Variants in LYST observed in about 807,000 individuals in gnomAD.
LYST encodes the protein lysosomal trafficking regulator, also known as lysosomal-trafficking regulator.
LYST carries 192 observed loss-of-function variants against 413.6 expected under a neutral mutation model. The ratio of observed to expected loss-of-function variants is 0.46; its 90% CI spans 0.41 to 0.52. The LOEUF (loss-of-function observed/expected upper bound fraction) is 0.52, where lower values mean the gene tolerates loss of function less well. LYST is among the 20% of genes least tolerant of loss of function. The pLI is 0.00. For synonymous variants in LYST, 1,525 were observed against 1,567.3 expected (o/e 0.97, Z 0.64); for missense variants, 3,815 against 4,499.9 (o/e 0.85, Z 4.35).
At chr1:235,703,492 C>T (rs943233151) in intron 44 of LYST, among the ~76,000 whole-genome samples, 4 of 152,056 alleles carry the variant, frequency 2.6e-5, no homozygotes, top group African/African-American at 7.3e-5. Context: ...GTCATTATCC[C>T]GTAGAGTCAG....
chr1:235,844,427 C>T (rs934483127), intron 1 of LYST, among the ~76,000 whole-genome samples: 4 of 152,126 alleles, frequency 2.6e-5, no homozygotes, highest in Non-Finnish European at 4.4e-5. Context: ...CCTACAGGTC[C>T]AAGGTCACAG....
chr1:235,786,793 G>A (rs1371990008), intron 14 of LYST, among the ~76,000 whole-genome samples: 5 of 150,628 alleles, frequency 3.3e-5, no homozygotes, highest in African/African-American at 4.9e-5. Context: ...GCAAACGATC[G>A]CAAGGACAAA....
intron 10 of LYST, among the ~76,000 whole-genome samples, chr1:235,796,494 GA>G (rs1671566900): frequency 6.6e-6 from 1 of 152,164 alleles, no homozygotes; most frequent in East Asian, 1.9e-4. Flanking sequence ...GAAATCCAAA[GA>G]AAATACGCAA....
intron 17 of LYST, among the ~76,000 whole-genome samples, chr1:235,776,812 TACATTTA>T (rs1045735108): frequency 1.3e-5 from 2 of 152,144 alleles, no homozygotes; most frequent in African/African-American, 4.8e-5. Context: ...TAAAATCTTG[TACATTTA>T]ACATTTAATT....
intron 29 of LYST, among the ~76,000 whole-genome samples, chr1:235,744,844 G>A (rs1172978422): frequency 1.3e-5 from 2 of 148,216 alleles, no homozygotes; most frequent in Admixed American, 1.4e-4. Flanking sequence ...AGGTTGCAGT[G>A]AGCTGAGATC....
At chr1:235,814,372 T>C (rs1231051675) in intron 3 of LYST, among the ~76,000 whole-genome samples, 1 of 152,072 alleles carries the variant, frequency 6.6e-6, no homozygotes, top group African/African-American at 2.4e-5. Context: ...CAAGAAGATA[T>C]GTGAATTTTC....
chr1:235,809,102 C>A lies in LYST; in HGVS notation c.1716G>T (p.Gln572His), dbSNP rs143389299. 6.2e-7 allele frequency: 1 copy of A among 1,614,138 alleles called. No individual in the cohort carries two copies. Among genetic ancestry groups the A allele is most frequent in the Non-Finnish European group, 8.5e-7 (1 of 1,179,994 alleles). The change falls in exon 5 of 53, where the codon CAG becomes CAT. Residue 572 changes from glutamine to histidine, a missense_variant. Physicochemically the swap from Gln to His is conservative, Grantham distance 24 (BLOSUM62 0). Coordinates refer to ENST00000389793, the MANE Select transcript of LYST (RefSeq NM_000081.4). This position sits in a 1 kb window ranked among gnomAD's most constrained non-coding sequence, Gnocchi z 4.0. ...QQASLSSTCVQILSGVHNIGI... is the reference protein window; with the variant it reads ...QQASLSSTCVHILSGVHNIGI... ...CAATGTTATGAACACCCGATAGGATCTGGACACAAGTGCTGCTCAAGGAAG... is the reference window on the plus strand; with the variant it reads ...CAATGTTATGAACACCCGATAGGATATGGACACAAGTGCTGCTCAAGGAAG...
intron 19 of LYST, among the ~76,000 whole-genome samples, chr1:235,773,372 T>C (rs1229636844): frequency 6.6e-6 from 1 of 152,034 alleles, no homozygotes; most frequent in Non-Finnish European, 1.5e-5. Context: ...TATGCTTCTA[T>C]TCACGGTAGC....
At chr1:235,869,812 TCAA>T (rs1680853311), upstream of LYST, among the ~76,000 whole-genome samples, 1 of 149,744 alleles carries the variant, frequency 6.7e-6, no homozygotes, top group African/African-American at 2.5e-5. Context: ...ATCTGGCTCC[TCAA>T]AACTTCGTCT....
chr1:235,783,360 C>G (rs1195164686), intron 14 of LYST, among the ~76,000 whole-genome samples: 1 of 151,708 alleles, frequency 6.6e-6, no homozygotes, highest in Admixed American at 6.6e-5. Flanking sequence ...GACTGAAACT[C>G]TATTGCCATC....
At chr1:235,804,741 A>G in intron 6 of LYST, 76 bp from the exon 7 acceptor site, 2 of 875,992 alleles carry the variant, frequency 2.3e-6, no homozygotes, top group Non-Finnish European at 3.6e-6. Flanking sequence ...TAAATAATAA[A>G]TATTTACTTA....
intron 31 of LYST, 92 bp downstream of exon 31, chr1:235,741,330 A>G (rs1665380564): frequency 2.7e-6 from 3 of 1,098,032 alleles, no homozygotes; most frequent in African/African-American, 1.5e-5. Context: ...TAAATTAGGC[A>G]TGAACATTCA....
At chr1:235,862,848 C>CACAT (rs36022107) in intron 1 of LYST, among the ~76,000 whole-genome samples, 7,363 of 146,356 alleles carry the variant, frequency 0.05, 269 homozygotes, top group African/African-American at 0.06. Flanking sequence ...CACACACACA[C>CACAT]CCCTTCAAGA....
At chr1:235,792,776 G>T (rs1360310653) in intron 11 of LYST, among the ~76,000 whole-genome samples, 1 of 151,136 alleles carries the variant, frequency 6.6e-6, no homozygotes, top group Admixed American at 6.6e-5. Flanking sequence ...CAATTCTCCT[G>T]CCTCAGCCTC....
chr1:235,669,481 G>A (rs1558098793), intron 50 of LYST, among the ~76,000 whole-genome samples: 1 of 152,232 alleles, frequency 6.6e-6, no homozygotes. Flanking sequence ...ATTGTGGGTG[G>A]AGTCTTCATT....
chr1:235,802,172 C>T lies in LYST; in HGVS notation c.3712+736G>A, dbSNP rs192499174. Among the ~76,000 whole-genome samples, 115 of 119,214 alleles carry T rather than the reference C, an allele frequency of 9.6e-4. No individual in the cohort carries two copies. In the East Asian group the frequency reaches 0.025, roughly 26 times the overall value. 78.2% of individuals were successfully genotyped at this position (119,214 alleles called of 152,430 possible). A position where few individuals can be genotyped will look rare whatever the true frequency, so the allele number is the denominator to read the frequency against. ...TCACGCCACTGCACTCTAGCCTGGG[C>T]GACAGAGCAAGACTCCATTTCAAAA... On this transcript the variant is annotated intron_variant, in intron 8 of 52. Transcript: ENST00000389793.
At chr1:235,712,498 G>A (rs1322586495) in intron 42 of LYST, 1 of 659,994 alleles carries the variant, frequency 1.5e-6, no homozygotes, top group Non-Finnish European at 1.9e-6. Flanking sequence ...ACAAAAACAG[G>A]GCCCTGGGAT....
chr1:235,727,124 C>CTTTTTTTTT (rs763736405), intron 38 of LYST, among the ~76,000 whole-genome samples: 4 of 135,114 alleles, frequency 3.0e-5, no homozygotes, highest in African/African-American at 5.5e-5. Flanking sequence ...TTCTTTCTTT[C>CTTTTTTTTT]TTTTTTTTTT....
chr1:235,856,431 T>C (rs1199377177), intron 1 of LYST, among the ~76,000 whole-genome samples: 2 of 152,220 alleles, frequency 1.3e-5, no homozygotes, highest in African/African-American at 4.8e-5. Context: ...CTGATGCCCA[T>C]TATTCTTACA....
Sources: allele counts gnomAD v4.1 joint callset (sites outside exome capture counted in the v4.1 genomes callset), GRCh38; gene constraint gnomAD v4.1.1; non-coding constraint Gnocchi (gnomAD v3.1); transcripts MANE v1.5; gene names NCBI Gene and HGNC (gene_info 2026-07-23, HGNC 2026-07-21).